VWA8: variants seen among roughly 807,000 people sequenced by gnomAD.
VWA8 encodes the protein von Willebrand factor A domain-containing protein 8.
In VWA8, 221 loss-of-function variants were observed where a neutral mutation model predicts 241.5. The ratio of observed to expected loss-of-function variants is 0.91; its 90% CI spans 0.82 to 1.02. VWA8 has a LOEUF of 1.02. Among genes scored for constraint, VWA8 ranks in the 50% least tolerant of loss-of-function variants. The pLI is 0.00. For synonymous variants in VWA8, 852 were observed against 827.1 expected (o/e 1.03, Z -0.52); for missense variants, 2,322 against 2,328.7 (o/e 1.00, Z 0.06).
At chr13:41,784,697 CATATATATATATAT>C (rs59582293) in intron 18 of VWA8, among the ~76,000 whole-genome samples, 932 of 57,044 alleles carry the variant, frequency 0.016, 50 homozygotes, top group African/African-American at 0.049. Flanking sequence ...TATACATATA[CATATATATATATAT>C]ATATATATAT....
chr13:41,582,467 A>G (rs1473977392), intron 42 of VWA8, among the ~76,000 whole-genome samples: 1 of 152,172 alleles, frequency 6.6e-6, no homozygotes, highest in Non-Finnish European at 1.5e-5. Flanking sequence ...ACTGAGGGAT[A>G]ACTGCAGGAA....
intron 28 of VWA8, 55 bp downstream of exon 28, chr13:41,701,337 A>G (rs7322461): frequency 0.97 from 1,434,235 of 1,472,020 alleles, 698,786 homozygotes; most frequent in East Asian, 1. Context: ...ATTTTAATCC[A>G]TCTTTTAAAA....
chr13:41,781,708 T>G (rs1383694284), intron 19 of VWA8, among the ~76,000 whole-genome samples: 1 of 152,210 alleles, frequency 6.6e-6, no homozygotes, highest in African/African-American at 2.4e-5. Context: ...TAATATTCCT[T>G]AATGGAAGGC....
chr13:41,669,020 G>A (rs2045004724), intron 37 of VWA8, among the ~76,000 whole-genome samples: 1 of 151,912 alleles, frequency 6.6e-6, no homozygotes, highest in Non-Finnish European at 1.5e-5. Context: ...CCAGGCTGGG[G>A]GGCAGTGGCT....
rs993444990 is a variant in VWA8, at chr13:41,907,795, G to A, written c.373-99C>T. On this transcript the variant is annotated intron_variant, in intron 3 of 44. Transcript: ENST00000379310. ...GACAATGCCATTGCCCATGAGAAGTGCATTGTTAAACCTAATTTTGGGTTG... is the reference window on the plus strand; with the variant it reads ...GACAATGCCATTGCCCATGAGAAGTACATTGTTAAACCTAATTTTGGGTTG... The A allele has an allele frequency of 6.7e-5, 67 of 999,982 alleles. 1 individual carries two copies. The highest frequency in any genetic ancestry group is 1.4e-4 in the African/African-American group (9 of 62,456). The allele number at this position is 999,982 out of a possible 1,614,324, so 61.9% of individuals were successfully genotyped here.
chr13:41,944,856 A>T lies in VWA8; in HGVS notation c.241+5080T>A, dbSNP rs140649415. Among the ~76,000 whole-genome samples the T allele has an allele frequency of 9.8e-5, 15 of 152,360 alleles. No individual in the cohort carries two copies. In the East Asian group the frequency reaches 2.9e-3, roughly 29 times the overall value. On this transcript the variant is annotated intron_variant, in intron 2 of 44. Transcript: ENST00000379310. ...AAAATCAACAATTGTTTAACATCACAGCTGCCTGAGGCAGCAAAACCAGTT... is the reference window on the plus strand; with the variant it reads ...AAAATCAACAATTGTTTAACATCACTGCTGCCTGAGGCAGCAAAACCAGTT...
rs576278096 is a variant in VWA8, at chr13:41,882,481, G to A, written c.1080+906C>T. On this transcript the variant is annotated intron_variant, in intron 9 of 44. Coordinates refer to ENST00000379310, the MANE Select transcript of VWA8 (RefSeq NM_015058.2). ...TGGGAGGTGGAGGTTGTAGCGAGCC[G>A]AGATCACACCACTGCACTCCAGCCT... 6.4e-3 allele frequency among the ~76,000 whole-genome samples: 975 copies of A among 152,182 alleles called. 6 individuals are homozygous for A. The highest frequency in any genetic ancestry group is 0.022 in the African/African-American group (912 of 41,514).
At chr13:41,923,544 T>A (rs934998546) in intron 2 of VWA8, among the ~76,000 whole-genome samples, 1 of 152,062 alleles carries the variant, frequency 6.6e-6, no homozygotes, top group African/African-American at 2.4e-5. Context: ...TTCAGTAATT[T>A]TGTAAGACCC....
At chr13:41,833,277 T>A in intron 13 of VWA8, 94 bp downstream of exon 13, 3 of 1,392,810 alleles carry the variant, frequency 2.2e-6, no homozygotes, top group South Asian at 1.6e-5. Context: ...CAACCCAGTT[T>A]AAAAAAAAGA....
At chr13:41,960,345 T>C (rs894073768) in intron 1 of VWA8, among the ~76,000 whole-genome samples, 6 of 152,166 alleles carry the variant, frequency 3.9e-5, no homozygotes, top group Non-Finnish European at 8.8e-5. Flanking sequence ...CCTGTAAAAC[T>C]TGGAAAGGCT....
intron 2 of VWA8, among the ~76,000 whole-genome samples, chr13:41,938,086 G>A (rs1412520940): frequency 6.6e-6 from 1 of 150,716 alleles, no homozygotes; most frequent in African/African-American, 2.4e-5. Context: ...ACTTGAACCT[G>A]GGAGGCAGAG....
chr13:41,912,657 A>G (rs964474315), intron 2 of VWA8, among the ~76,000 whole-genome samples: 7 of 152,220 alleles, frequency 4.6e-5, no homozygotes, highest in Non-Finnish European at 7.4e-5. Context: ...TGAGAAAAGC[A>G]TACTACAACT....
rs781619795 is a variant in VWA8, at chr13:41,778,034, A to G, written c.2300T>C (p.Met767Thr). 7 of 1,612,248 alleles carry G rather than the reference A, an allele frequency of 4.3e-6. No individual in the cohort carries two copies. Among genetic ancestry groups the G allele is most frequent in the Admixed American group, 3.3e-5 (2 of 59,872 alleles). ...NIQHVIVMED[M>T]LKDFLLGEHL... ...TTCTCCAAGGAGAAAGTCTTTCAGC[A>G]TATCTTCCATCACTATCACATGCTA... The change falls in exon 20 of 45, where the codon ATG becomes ACG. Residue 767 changes from methionine to threonine, a missense_variant. Coordinates refer to ENST00000379310, the MANE Select transcript of VWA8 (RefSeq NM_015058.2).
chr13:41,662,018 T>A (rs1039828464), intron 37 of VWA8, among the ~76,000 whole-genome samples: 3 of 152,204 alleles, frequency 2.0e-5, no homozygotes, highest in African/African-American at 7.2e-5. Context: ...TTTGCGAACA[T>A]TGCACTGTCT....
At chr13:41,852,680 A>G (rs1872573561) in intron 12 of VWA8, among the ~76,000 whole-genome samples, 1 of 152,140 alleles carries the variant, frequency 6.6e-6, no homozygotes, top group Non-Finnish European at 1.5e-5. Context: ...GCATGTGGAT[A>G]TACAATTTTC....
At position 41,936,926 on chromosome 13, in the gene VWA8, A is replaced by G. The variant is rs1199040851; in HGVS notation, c.241+13010T>C. On this transcript the variant is annotated intron_variant, in intron 2 of 44. Coordinates refer to ENST00000379310, the MANE Select transcript of VWA8 (RefSeq NM_015058.2). ...GGATTGCATATTAGATGATGGTCCC[A>G]TAAGATTATACTGGAATTGAAGCAT... Among the ~76,000 whole-genome samples, 6 of 152,218 alleles carry G rather than the reference A, an allele frequency of 3.9e-5. No individual in the cohort carries two copies. The East Asian group carries it at 1.2e-3, about 29-fold the overall frequency.
chr13:41,739,812 T>G (rs2045552604), intron 21 of VWA8, among the ~76,000 whole-genome samples: 1 of 150,552 alleles, frequency 6.6e-6, no homozygotes, highest in Non-Finnish European at 1.5e-5. Flanking sequence ...TATCTTCCAG[T>G]ATCATTGTTT....
chr13:41,878,205 A>G (rs11839889), intron 9 of VWA8, among the ~76,000 whole-genome samples: 51 of 151,980 alleles, frequency 3.4e-4, no homozygotes, highest in African/African-American at 1.2e-3. Context: ...ACATACTTCT[A>G]TTTCTTAAGT....
At chr13:41,825,313 C>G (rs1871133124) in intron 14 of VWA8, among the ~76,000 whole-genome samples, 1 of 152,174 alleles carries the variant, frequency 6.6e-6, no homozygotes, top group South Asian at 2.1e-4. Context: ...TAGATAGGAT[C>G]ATCTGGGTAC....
Sources: gnomAD v4.1 joint callset for allele counts (sites outside exome capture counted in the v4.1 genomes callset) on GRCh38, gnomAD v4.1.1 for gene constraint, MANE v1.5 for transcripts, NCBI Gene and HGNC (gene_info 2026-07-23, HGNC 2026-07-21) for gene names.